The following THSD7A variants were observed in gnomAD, a reference collection of about 807,000 sequenced individuals.
THSD7A encodes the protein thrombospondin type-1 domain-containing protein 7A.
A neutral mutation model predicts 231.3 loss-of-function variants in THSD7A; 96 were observed. The observed-to-expected ratio is 0.41, with a 90% CI of 0.35 to 0.49. THSD7A has a LOEUF of 0.49. THSD7A is among the 20% of genes least tolerant of loss of function. The probability of loss-of-function intolerance (pLI) is 0.05; values close to 1 mark genes in which losing one functional copy is unlikely to be tolerated. For missense variants in THSD7A, 2,290 were observed against 2,070.2 expected, an observed-to-expected ratio of 1.11 and a Z score of -2.06; for synonymous variants, 940 against 743.3, an observed-to-expected ratio of 1.26 and a Z score of -4.30.
chr7:11,466,148 G>A (rs180733868), intron 9 of THSD7A, among the ~76,000 whole-genome samples: 2 of 152,228 alleles, frequency 1.3e-5, no homozygotes, highest in Non-Finnish European at 2.9e-5. Context: ...AAGAAGGATA[G>A]TCCTGCACTT....
chr7:11,589,270 C>T (rs188674687), intron 4 of THSD7A, among the ~76,000 whole-genome samples: 2 of 152,240 alleles, frequency 1.3e-5, no homozygotes, highest in Admixed American at 6.5e-5. Flanking sequence ...CCTCCCCTCC[C>T]GTCTCTACAA....
chr7:11,655,682 T>C (rs1782676501), intron 1 of THSD7A, among the ~76,000 whole-genome samples: 2 of 152,014 alleles, frequency 1.3e-5, no homozygotes, highest in African/African-American at 4.8e-5. Flanking sequence ...CACCTCCATA[T>C]ATCTTTTATT....
At position 11,405,267 on chromosome 7, in the gene THSD7A, T is replaced by C. The variant is rs553489707; in HGVS notation, c.4237+1033A>G. Among the ~76,000 whole-genome samples the C allele has an allele frequency of 1.8e-4, 28 of 152,186 alleles. No homozygotes were observed. In the East Asian group the frequency reaches 3.1e-3, roughly 17 times the overall value. ...TCCCATTTACAAATTTTTGTTGATATATGTTATCCACTTTTAAAATTTTCT... is the reference window on the plus strand; with the variant it reads ...TCCCATTTACAAATTTTTGTTGATACATGTTATCCACTTTTAAAATTTTCT... On this transcript the variant is annotated intron_variant, in intron 22 of 27. Transcript: ENST00000423059.
chr7:11,379,662 G>T lies in THSD7A; in HGVS notation c.4558C>A (p.Pro1520Thr). ...CAGTACGAGTGGGGTTGACTACACG[G>T]TGGGTTACAAGACCTGTCGGCATCA... ...QPDADRSCNP[P>T]CSQPHSYCSE... The change falls in exon 25 of 28, where the codon CCG (proline) becomes ACG (threonine). Residue 1520 changes from proline to threonine, a missense_variant. Physicochemically the swap from Pro to Thr is conservative, Grantham distance 38. Transcript: ENST00000423059. 6.3e-7 allele frequency: 1 copy of T among 1,593,306 alleles called. No individual in the cohort carries two copies. Among genetic ancestry groups the T allele is most frequent in the Admixed American group, 1.7e-5 (1 of 57,412 alleles).
At position 11,372,540 on chromosome 7, in the gene THSD7A, G is replaced by A. The variant is rs1347682904; in HGVS notation, c.*3254C>T. The stretch of plus-strand genomic sequence containing the variant: ...CTGTCCACATATTGGATTAGTTATT[G>A]ATGAATAAGCAAATCAGCCCCTTTC... On this transcript the variant is annotated 3_prime_UTR_variant, in exon 28 of 28. Coordinates refer to ENST00000423059, the MANE Select transcript of THSD7A (RefSeq NM_015204.3). The A allele has an allele frequency of 6.6e-6, 1 of 152,050 alleles. No homozygotes were observed. Among genetic ancestry groups the A allele is most frequent in the Non-Finnish European group, 1.5e-5 (1 of 67,994 alleles). 9.4% of individuals were successfully genotyped at this position (152,050 alleles called of 1,614,324 possible).
chr7:11,677,026 G>C (rs759251348), intron 1 of THSD7A, among the ~76,000 whole-genome samples: 1 of 152,080 alleles, frequency 6.6e-6, no homozygotes, highest in South Asian at 2.1e-4. Context: ...AAAAACGTTG[G>C]GTTACCCACA....
chr7:11,602,996 G>A (rs900353043), intron 2 of THSD7A, among the ~76,000 whole-genome samples: 1 of 151,014 alleles, frequency 6.6e-6, no homozygotes, highest in African/African-American at 2.4e-5. Flanking sequence ...AACACCAAAA[G>A]CAATGGCAAC....
chr7:11,624,118 A>G (rs910303144), intron 2 of THSD7A, among the ~76,000 whole-genome samples: 1 of 152,062 alleles, frequency 6.6e-6, no homozygotes. Flanking sequence ...TTTTAAATGA[A>G]AACTGCCAAT....
chr7:11,646,100 C>G (rs1782270316), intron 1 of THSD7A, among the ~76,000 whole-genome samples: 1 of 151,912 alleles, frequency 6.6e-6, no homozygotes, highest in Non-Finnish European at 1.5e-5. Context: ...CTTTCAAGCT[C>G]ATAAACTCAG....
chr7:11,671,902 T>C, intron 1 of THSD7A, among the ~76,000 whole-genome samples: 1 of 152,288 alleles, frequency 6.6e-6, no homozygotes, highest in Admixed American at 6.5e-5. Context: ...ATAATGCATT[T>C]ATATTCTGAT....
chr7:11,757,491 A>T (rs1782722481), intron 1 of THSD7A, among the ~76,000 whole-genome samples: 1 of 152,094 alleles, frequency 6.6e-6, no homozygotes, highest in East Asian at 1.9e-4. Context: ...GCAGTGAGGA[A>T]CTGCCTCACC....
intron 1 of THSD7A, among the ~76,000 whole-genome samples, chr7:11,720,979 T>C (rs1031796167): frequency 1.3e-5 from 2 of 151,816 alleles, no homozygotes; most frequent in Non-Finnish European, 2.9e-5. Context: ...TACTCTCCAC[T>C]TGAGTGATTT....
chr7:11,627,263 A>T (rs1291890762), intron 2 of THSD7A, among the ~76,000 whole-genome samples: 2 of 152,216 alleles, frequency 1.3e-5, no homozygotes, highest in African/African-American at 4.8e-5. Flanking sequence ...AAAATTAAAT[A>T]AAAATCATAT....
chr7:11,599,066 T>C (rs917822679), intron 2 of THSD7A, among the ~76,000 whole-genome samples: 1 of 152,112 alleles, frequency 6.6e-6, no homozygotes, highest in Non-Finnish European at 1.5e-5. Context: ...ATACAGGAGA[T>C]CCATTAGGGC....
chr7:11,778,871 T>G (rs1416224661), intron 1 of THSD7A, among the ~76,000 whole-genome samples: 2 of 152,154 alleles, frequency 1.3e-5, no homozygotes, highest in Non-Finnish European at 2.9e-5. Flanking sequence ...TTATTAATTT[T>G]CAACACTGTG....
chr7:11,449,922 A>G (rs1037831314), intron 11 of THSD7A, among the ~76,000 whole-genome samples: 4 of 152,108 alleles, frequency 2.6e-5, no homozygotes, highest in South Asian at 4.1e-4. Context: ...ATCTGATCAT[A>G]TGAGAATCGT....
At chr7:11,728,419 C>G (rs903817590) in intron 1 of THSD7A, among the ~76,000 whole-genome samples, 5 of 151,764 alleles carry the variant, frequency 3.3e-5, no homozygotes, top group Non-Finnish European at 7.4e-5. Context: ...CAATTTTTCC[C>G]AAACAAATAT....
chr7:11,500,945 G>GGAA (rs1554324416), intron 6 of THSD7A, among the ~76,000 whole-genome samples: 6 of 120,584 alleles, frequency 5.0e-5, no homozygotes, highest in African/African-American at 1.7e-4. Context: ...AAAAAAGAAA[G>GGAA]AAAAAAAAAA....
intron 2 of THSD7A, among the ~76,000 whole-genome samples, chr7:11,615,276 T>A: frequency 6.6e-6 from 1 of 152,200 alleles, no homozygotes; most frequent in East Asian, 1.9e-4. Context: ...TACATGGCTA[T>A]TCTTCACCAG....
Sources: gnomAD v4.1 joint callset for allele counts (sites outside exome capture counted in the v4.1 genomes callset) on GRCh38, gnomAD v4.1.1 for gene constraint, MANE v1.5 for transcripts, NCBI Gene and HGNC (gene_info 2026-07-23, HGNC 2026-07-21) for gene names.